The following CHODL variants were observed in gnomAD, a reference collection of about 807,000 sequenced individuals.
The protein encoded by CHODL is chondrolectin.
In CHODL, 29 loss-of-function variants were observed where a neutral mutation model predicts 34.5. That is an observed-to-expected ratio of 0.84 (90% CI 0.63 to 1.15). The LOEUF (loss-of-function observed/expected upper bound fraction) is 1.15. Among genes scored for constraint, CHODL ranks in the 50% most tolerant of loss-of-function variants. The pLI, the probability that CHODL is intolerant of heterozygous loss-of-function variation, is 0.00. For synonymous variants in CHODL, 125 were observed against 116.1 expected, an observed-to-expected ratio of 1.08 and a Z score of -0.49; for missense variants, 332 against 332.5, an observed-to-expected ratio of 1.00 and a Z score of 0.01.
At chr21:18,263,164 T>C (rs900814986) in intron 5 of CHODL, among the ~76,000 whole-genome samples, 6 of 152,114 alleles carry the variant, frequency 3.9e-5, no homozygotes, top group African/African-American at 7.2e-5. Flanking sequence ...TTGGGTACCA[T>C]AGTTAGTGTC....
At chr21:18,165,152 A>G (rs2073137642) in intron 2 of CHODL, among the ~76,000 whole-genome samples, 1 of 152,192 alleles carries the variant, frequency 6.6e-6, no homozygotes, top group Admixed American at 6.5e-5. Context: ...TTGTGAAACA[A>G]AAACGCCTCC....
At chr21:18,121,961 C>A (rs2065484844) in intron 2 of CHODL, among the ~76,000 whole-genome samples, 2 of 152,038 alleles carry the variant, frequency 1.3e-5, no homozygotes, top group Non-Finnish European at 2.9e-5. Flanking sequence ...ATTATCAGTG[C>A]CAGGCACTTT....
chr21:17,971,940 G>A (rs538437125), intron 1 of CHODL, among the ~76,000 whole-genome samples: 29 of 152,152 alleles, frequency 1.9e-4, no homozygotes, highest in Non-Finnish European at 4.1e-4. Context: ...GAATCCAGCA[G>A]CTCATCAAAA....
At position 18,027,066 on chromosome 21, in the gene CHODL, C is replaced by A. The variant is rs183713454; in HGVS notation, c.-144-806C>A. 3.1e-3 allele frequency among the ~76,000 whole-genome samples: 468 copies of A among 151,834 alleles called. 15 individuals carry two copies. The highest frequency in any genetic ancestry group is 0.029 in the Admixed American group (443 of 15,228). Reference sequence around the variant, plus strand: ...CAGAAGTGGGTCGATTGCTGAAAGCCAGGAGTTTGAAACCAGCCTGGACAA... The same window carrying A: ...CAGAAGTGGGTCGATTGCTGAAAGCAAGGAGTTTGAAACCAGCCTGGACAA... On this transcript the variant is annotated intron_variant, in intron 1 of 6. Coordinates refer to the CHODL transcript ENST00000400127.
At chr21:18,237,722 T>C (rs1047872700) in intron 2 of CHODL, among the ~76,000 whole-genome samples, 1 of 152,134 alleles carries the variant, frequency 6.6e-6, no homozygotes, top group African/African-American at 2.4e-5. Context: ...ACCAAATACA[T>C]AGCAAGTATT....
intron 1 of CHODL, among the ~76,000 whole-genome samples, chr21:18,248,745 AATAT>A (rs1178314387): frequency 1.7e-5 from 2 of 120,184 alleles, no homozygotes; most frequent in Non-Finnish European, 3.2e-5. Flanking sequence ...ATATATGTAT[AATAT>A]ATATGTATAT....
Position 18,087,248 on chromosome 21 carries a change from ATC to A in CHODL, c.-45+59278_-45+59279del, listed in dbSNP as rs1353482362. ...TATAAGCAGTGTGGTCTGCTCAAAT[ATC>A]AGTTTCACAGGAGCCCATAGCAGGG... is the stretch of plus-strand genomic sequence containing the variant. On this transcript the variant is annotated intron_variant, in intron 2 of 6. Transcript: ENST00000400127. Among the ~76,000 whole-genome samples, 4 of 152,230 alleles carry A rather than the reference ATC, an allele frequency of 2.6e-5. No individual in the cohort carries two copies. In the East Asian group the frequency reaches 7.7e-4, roughly 29 times the overall value.
rs952980013 is a variant in CHODL, at chr21:18,129,902, G to C, written c.-45+101931G>C. Among the ~76,000 whole-genome samples, 117 of 75,002 alleles carry C rather than the reference G, an allele frequency of 1.6e-3. 1 individual carries two copies. In the South Asian group the frequency reaches 0.026, roughly 17 times the overall value. 49.2% of individuals were successfully genotyped at this position (75,002 alleles called of 152,430 possible). A position where few individuals can be genotyped will look rare whatever the true frequency, so the allele number is the denominator to read the frequency against. On this transcript the variant is annotated intron_variant, in intron 2 of 6. Coordinates refer to the CHODL transcript ENST00000400127. ...TCTCTCTGTCTTTCTCTGTGTGTGT[G>C]TGTGTGTGTGTGTGTGTGTGTGTGT...
intron 2 of CHODL, among the ~76,000 whole-genome samples, chr21:18,129,961 A>T (rs1369361715): frequency 6.6e-6 from 1 of 151,368 alleles, no homozygotes; most frequent in Non-Finnish European, 1.5e-5. Flanking sequence ...TCTAAAAGAA[A>T]CTATATCTGT....
At chr21:17,923,034 A>G (rs139468042) in intron 1 of CHODL, among the ~76,000 whole-genome samples, 1 of 152,122 alleles carries the variant, frequency 6.6e-6, no homozygotes, top group African/African-American at 2.4e-5. Flanking sequence ...TAGGTAGATA[A>G]GAAACAAATG....
rs1228966651 is a variant in CHODL, at chr21:17,963,770, TTCTC to T, written c.-145+46374_-145+46377del. On this transcript the variant is annotated intron_variant, in intron 1 of 6. Transcript: ENST00000400127. Reference sequence around the variant, plus strand: ...ATTGGTTTCTGTATCTTTTTAAAGCTTCTCTCTATTATCTAGCTGAAGGCATGCC... The same window carrying T: ...ATTGGTTTCTGTATCTTTTTAAAGCTTCTATTATCTAGCTGAAGGCATGCC... Among the ~76,000 whole-genome samples, 4 of 152,250 alleles carry T rather than the reference TTCTC, an allele frequency of 2.6e-5. No individual in the cohort carries two copies. In the South Asian group the frequency reaches 6.2e-4, roughly 24 times the overall value.
At chr21:18,046,176 A>G (rs2064440446) in intron 2 of CHODL, among the ~76,000 whole-genome samples, 2 of 151,988 alleles carry the variant, frequency 1.3e-5, no homozygotes, top group South Asian at 4.1e-4. Context: ...TCAGAAAAGC[A>G]GGCCAACGCC....
chr21:18,041,645 A>G (rs960323317), intron 2 of CHODL, among the ~76,000 whole-genome samples: 1 of 151,948 alleles, frequency 6.6e-6, no homozygotes, highest in Admixed American at 6.6e-5. Flanking sequence ...AGAAAATTTA[A>G]CTGAGAACTA....
intron 2 of CHODL, among the ~76,000 whole-genome samples, chr21:18,090,999 C>T (rs1437151250): frequency 6.6e-6 from 1 of 152,214 alleles, no homozygotes; most frequent in Non-Finnish European, 1.5e-5. Flanking sequence ...CATTTCCTGG[C>T]AGTGACCGTC....
At chr21:18,156,827 C>A (rs544616114) in intron 2 of CHODL, among the ~76,000 whole-genome samples, 1 of 152,240 alleles carries the variant, frequency 6.6e-6, no homozygotes, top group African/African-American at 2.4e-5. Context: ...CATGTCTGGG[C>A]CTTCAGTTAG....
chr21:18,041,118 A>G (rs2064370373), intron 2 of CHODL, among the ~76,000 whole-genome samples: 1 of 151,936 alleles, frequency 6.6e-6, no homozygotes, highest in South Asian at 2.1e-4. Flanking sequence ...CTGTAAGCTG[A>G]AAATTTGTAT....
intron 3 of CHODL, among the ~76,000 whole-genome samples, chr21:18,259,664 A>AGGAT (rs2074357635): frequency 6.6e-6 from 1 of 152,258 alleles, no homozygotes; most frequent in African/African-American, 2.4e-5. Flanking sequence ...AGCAAATCTA[A>AGGAT]GGATGGCATT....
chr21:17,931,067 G>A (rs1045956740), intron 1 of CHODL, among the ~76,000 whole-genome samples: 1 of 152,176 alleles, frequency 6.6e-6, no homozygotes, highest in Non-Finnish European at 1.5e-5. Context: ...CCAGGATGTG[G>A]AGCTGGTGGA....
chr21:18,088,702 T>C (rs1321015589), intron 2 of CHODL, among the ~76,000 whole-genome samples: 2 of 152,220 alleles, frequency 1.3e-5, no homozygotes, highest in Non-Finnish European at 2.9e-5. Context: ...CATTCTCTCA[T>C]AGACAATCTG....
Sources: gnomAD v4.1 joint callset for allele counts (sites outside exome capture counted in the v4.1 genomes callset) on GRCh38, gnomAD v4.1.1 for gene constraint, MANE v1.5 for transcripts, NCBI Gene and HGNC (gene_info 2026-07-23, HGNC 2026-07-21) for gene names.